The following LAMA2 variants were observed in gnomAD, a reference collection of about 807,000 sequenced individuals.
LAMA2 encodes the protein laminin subunit alpha-2.
LAMA2 carries 269 observed loss-of-function variants against 364.8 expected under a neutral mutation model. The ratio of observed to expected loss-of-function variants is 0.74; its 90% confidence interval spans 0.67 to 0.82. LAMA2 has a LOEUF of 0.82. LAMA2 is among the 40% of genes least tolerant of loss of function. LAMA2 has a pLI of 0.00. For synonymous variants in LAMA2, 1,379 were observed against 1,370.6 expected, an observed-to-expected ratio of 1.01 and a Z score of -0.14; for missense variants, 3,807 against 3,873.2, an observed-to-expected ratio of 0.98 and a Z score of 0.45.
chr6:129,288,213 A>C (rs553591951), intron 19 of LAMA2, among the ~76,000 whole-genome samples, 155 bp downstream of exon 19: 1 of 152,170 alleles, frequency 6.6e-6, no homozygotes, highest in Non-Finnish European at 1.5e-5. Context: ...ATTCCAGAAC[A>C]TTTCCTTGTA....
chr6:129,288,423 A>C (rs1176926562), intron 19 of LAMA2, among the ~76,000 whole-genome samples: 1 of 152,152 alleles, frequency 6.6e-6, no homozygotes, highest in Non-Finnish European at 1.5e-5. Context: ...ACTTGCTTTA[A>C]ATAATTTTTT....
intron 60 of LAMA2, among the ~76,000 whole-genome samples, chr6:129,504,058 A>C (rs1785864707): frequency 6.6e-6 from 1 of 152,188 alleles, no homozygotes; most frequent in Non-Finnish European, 1.5e-5. Context: ...AGACCAATAA[A>C]ATTTTTAATT....
At chr6:129,174,214 TATGA>T (rs1356111198) in intron 9 of LAMA2, among the ~76,000 whole-genome samples, 2 of 152,122 alleles carry the variant, frequency 1.3e-5, no homozygotes, top group African/African-American at 4.8e-5. Flanking sequence ...TCTTCATTTG[TATGA>T]TTTCATTTTA....
chr6:129,369,669 C>T (rs1777961604), intron 33 of LAMA2, among the ~76,000 whole-genome samples: 1 of 152,132 alleles, frequency 6.6e-6, no homozygotes, highest in Non-Finnish European at 1.5e-5. Flanking sequence ...ACATAAAAAG[C>T]CTGGCACATA....
intron 35 of LAMA2, among the ~76,000 whole-genome samples, chr6:129,388,443 A>C (rs1381433383): frequency 6.6e-6 from 1 of 152,122 alleles, no homozygotes; most frequent in Non-Finnish European, 1.5e-5. Flanking sequence ...AATTTAAAGA[A>C]ATTATGTATG....
chr6:129,201,837 A>G (rs771343379), intron 12 of LAMA2, among the ~76,000 whole-genome samples: 16 of 152,196 alleles, frequency 1.1e-4, no homozygotes, highest in Non-Finnish European at 1.5e-4. Flanking sequence ...ATGTCAAGAT[A>G]TATCAGAATC....
At chr6:128,945,548 A>G (rs935128462) in intron 1 of LAMA2, among the ~76,000 whole-genome samples, 3 of 152,256 alleles carry the variant, frequency 2.0e-5, no homozygotes, top group African/African-American at 7.2e-5. Flanking sequence ...CTTAAATACC[A>G]GATTAATTTT....
intron 50 of LAMA2, 47 bp downstream of exon 50, chr6:129,464,499 G>T: frequency 6.8e-7 from 1 of 1,464,820 alleles, no homozygotes; most frequent in South Asian, 1.1e-5. Context: ...AAATGCGTTT[G>T]CTTCTTTTAT....
rs751335766 is a variant in LAMA2, at chr6:129,144,884, C to T, written c.819+804C>T. On this transcript the variant is annotated intron_variant, in intron 5 of 64. Transcript: ENST00000421865. ...TGTTAAACAGGAATTTGTGGGATTA[C>T]AAGATAGATGATCAACCCAGATTGC... Among the ~76,000 whole-genome samples, 3 of 152,028 alleles carry T rather than the reference C, an allele frequency of 2.0e-5. No individual in the cohort carries two copies. In the Middle Eastern group the frequency reaches 0.01, roughly 517 times the overall value.
chr6:129,244,036 GGACT>G (rs1284493197), intron 12 of LAMA2, among the ~76,000 whole-genome samples: 1 of 151,950 alleles, frequency 6.6e-6, no homozygotes, highest in Non-Finnish European at 1.5e-5. Flanking sequence ...TATATCCCCT[GGACT>G]GCATAACTCA....
At chr6:129,073,513 T>C (rs1773447420) in intron 3 of LAMA2, among the ~76,000 whole-genome samples, 1 of 152,174 alleles carries the variant, frequency 6.6e-6, no homozygotes, top group African/African-American at 2.4e-5. Flanking sequence ...ACATCCCTGC[T>C]AGACCGTTTG....
At chr6:129,175,655 C>G (rs543129291) in intron 9 of LAMA2, among the ~76,000 whole-genome samples, 1 of 152,212 alleles carries the variant, frequency 6.6e-6, no homozygotes, top group South Asian at 2.1e-4. Flanking sequence ...AACACATGAA[C>G]ACAGACAGGG....
intron 18 of LAMA2, among the ~76,000 whole-genome samples, chr6:129,281,292 A>C (rs1440841875): frequency 6.6e-6 from 1 of 152,166 alleles, no homozygotes; most frequent in Non-Finnish European, 1.5e-5. Context: ...CATTGCCAAG[A>C]CAGATTTACA....
At chr6:129,025,156 G>A (rs1054391963) in intron 1 of LAMA2, among the ~76,000 whole-genome samples, 2 of 152,034 alleles carry the variant, frequency 1.3e-5, no homozygotes, top group Non-Finnish European at 2.9e-5. Flanking sequence ...GAATCACTGG[G>A]AAAAGACACA....
Position 129,440,867 on chromosome 6 carries a change from A to G in LAMA2, c.6137A>G (p.Asp2046Gly), listed in dbSNP as rs778892148. ...AAGGACAAAGCCAGACAAGCCAACGACACAGCTAAAGATGTACTGGCACAG... is the reference window on the plus strand; with the variant it reads ...AAGGACAAAGCCAGACAAGCCAACGGCACAGCTAAAGATGTACTGGCACAG... ...AVKDKARQAN[D>G]TAKDVLAQIT... Residue 2046 changes from aspartate to glycine, a missense_variant, in exon 43 of 65, where the codon GAC (aspartate) becomes GGC (glycine). Coordinates refer to ENST00000421865, the MANE Select transcript of LAMA2 (RefSeq NM_000426.4). 1 of 1,614,014 alleles carries G rather than the reference A, an allele frequency of 6.2e-7. No individual in the cohort carries two copies. The highest frequency in any genetic ancestry group is 1.1e-5 in the South Asian group (1 of 91,080).
intron 3 of LAMA2, among the ~76,000 whole-genome samples, chr6:129,095,949 G>C (rs1351915437): frequency 6.6e-6 from 1 of 151,690 alleles, no homozygotes; most frequent in Admixed American, 6.6e-5. Flanking sequence ...GTAAAAGCTA[G>C]AGGCCCTGGC....
At chr6:129,182,678 T>A (rs1781000232) in intron 10 of LAMA2, among the ~76,000 whole-genome samples, 1 of 151,752 alleles carries the variant, frequency 6.6e-6, no homozygotes, top group African/African-American at 2.4e-5. Context: ...ACATATATTA[T>A]AATTAAAAAA....
intron 56 of LAMA2, among the ~76,000 whole-genome samples, chr6:129,489,551 A>G (rs1462454583): frequency 1.3e-5 from 2 of 152,216 alleles, no homozygotes; most frequent in African/African-American, 2.4e-5. Flanking sequence ...AGCAAATAGG[A>G]CAAGCAACTG....
chr6:129,382,942 T>C (rs1562512521), intron 34 of LAMA2, among the ~76,000 whole-genome samples, 180 bp from the exon 35 acceptor site: 1 of 152,230 alleles, frequency 6.6e-6, no homozygotes, highest in African/African-American at 2.4e-5. Flanking sequence ...ATGGAAGAAG[T>C]AATAAAGTTT....
Sources: gnomAD v4.1 joint callset for allele counts (sites outside exome capture counted in the v4.1 genomes callset) on GRCh38, gnomAD v4.1.1 for gene constraint, MANE v1.5 for transcripts, NCBI Gene and HGNC (gene_info 2026-07-23, HGNC 2026-07-21) for gene names.